The following CCDC149 variants were observed in gnomAD, a reference collection of about 807,000 sequenced individuals.
CCDC149 encodes coiled-coil domain-containing protein 149.
CCDC149 carries 45 observed loss-of-function variants against 59.9 expected under a neutral mutation model. The ratio of observed to expected loss-of-function variants is 0.75; its 90% CI spans 0.59 to 0.96. CCDC149 has a LOEUF of 0.96. Ranked by LOEUF, CCDC149 falls within the 40% of genes least tolerant of loss-of-function variation. The pLI, the probability that CCDC149 is intolerant of heterozygous loss-of-function variation, is 0.00. For synonymous variants in CCDC149, 245 were observed against 260.6 expected (o/e 0.94, Z 0.58); for missense variants, 584 against 664.7 (o/e 0.88, Z 1.33).
chr4:24,821,981 A>C (rs200516655), intron 10 of CCDC149, among the ~76,000 whole-genome samples: 1 of 152,176 alleles, frequency 6.6e-6, no homozygotes, highest in East Asian at 1.9e-4. Flanking sequence ...GGTTAGAACA[A>C]TTGTTGGTTT....
rs1714245501 is a variant in CCDC149, at chr4:24,807,183, T to C, written c.*1206A>G. Reference sequence around the variant, plus strand: ...CAGGCTTTCCAGGGAAGGAAAAAGCTATGGCTGGATGACTTTTAGTTTTCT... The same window carrying C: ...CAGGCTTTCCAGGGAAGGAAAAAGCCATGGCTGGATGACTTTTAGTTTTCT... On this transcript the variant is annotated 3_prime_UTR_variant, in exon 13 of 13. Coordinates refer to ENST00000635206, the MANE Select transcript of CCDC149 (RefSeq NM_001330643.2). 6.6e-6 allele frequency: 1 copy of C among 152,184 alleles called. No homozygotes were observed. Among genetic ancestry groups the C allele is most frequent in the African/African-American group, 2.4e-5 (1 of 41,430 alleles). The allele number at this position is 152,184 out of a possible 1,614,324, so 9.4% of individuals were successfully genotyped here.
chr4:24,808,482 G>T lies in CCDC149; in HGVS notation c.1530C>A (p.Phe510Leu). 1 of 1,482,602 alleles carries T rather than the reference G, an allele frequency of 6.7e-7. No homozygotes were observed. The highest frequency in any genetic ancestry group is 9.0e-7 in the Non-Finnish European group (1 of 1,116,832). 91.8% of individuals were successfully genotyped at this position (1,482,602 alleles called of 1,614,324 possible). The change falls in exon 13 of 13, where the codon TTC becomes TTA. Residue 510 changes from phenylalanine to leucine, a missense_variant. Phe to Leu is a conservative substitution (Grantham distance 22). Transcript: ENST00000635206. ...CTTTGGCTGCTGGCCGGCTGGCCTC[G>T]AAGGAGTCCAGGTGAGATTTAGGGA...
At chr4:24,856,084 C>A (rs1438489312) in intron 3 of CCDC149, among the ~76,000 whole-genome samples, 1 of 152,230 alleles carries the variant, frequency 6.6e-6, no homozygotes, top group Admixed American at 6.5e-5. Context: ...AGGTGGGTTA[C>A]CTCCCTCAAC....
At chr4:24,916,005 A>G (rs1017960392), upstream of CCDC149, among the ~76,000 whole-genome samples, 1 of 152,304 alleles carries the variant, frequency 6.6e-6, no homozygotes. Context: ...TACACCAACT[A>G]TCTTTATCCC....
intron 8 of CCDC149, among the ~76,000 whole-genome samples, chr4:24,831,910 A>T (rs1362019236): frequency 3.3e-5 from 5 of 152,230 alleles, no homozygotes; most frequent in Admixed American, 6.5e-5. Flanking sequence ...TATTTTAAAC[A>T]CTTTCATAAT....
chr4:24,813,490 A>ATATATCTATATC (rs1491293785), intron 12 of CCDC149, among the ~76,000 whole-genome samples: 11 of 1,930 alleles, frequency 5.7e-3, no homozygotes, highest in African/African-American at 6.4e-3. Flanking sequence ...AGCTTGGGGA[A>ATATATCTATATC]TATATATATA....
chr4:24,919,173 G>A (rs1394995625), intron 1 of CCDC149, among the ~76,000 whole-genome samples: 1 of 152,160 alleles, frequency 6.6e-6, no homozygotes, highest in African/African-American at 2.4e-5. Flanking sequence ...GCTTAGCAGG[G>A]TCTCCTTTAA....
At chr4:24,815,103 T>G (rs562693977) in intron 12 of CCDC149, among the ~76,000 whole-genome samples, 1 of 152,242 alleles carries the variant, frequency 6.6e-6, no homozygotes, top group East Asian at 1.9e-4. Flanking sequence ...TATTAAATGT[T>G]TGAATATATG....
At chr4:24,898,476 A>T (rs1202463517) in intron 1 of CCDC149, among the ~76,000 whole-genome samples, 1 of 152,172 alleles carries the variant, frequency 6.6e-6, no homozygotes, top group Non-Finnish European at 1.5e-5. Context: ...AGACACTCCC[A>T]GCTCTCTTAG....
At chr4:24,936,741 G>A (rs1234025442) in intron 1 of CCDC149, among the ~76,000 whole-genome samples, 1 of 152,200 alleles carries the variant, frequency 6.6e-6, no homozygotes, top group Non-Finnish European at 1.5e-5. Flanking sequence ...CTGGTGGAAT[G>A]GGAGTTTTAG....
At chr4:24,859,783 A>T (rs1259297814) in intron 3 of CCDC149, among the ~76,000 whole-genome samples, 1 of 152,258 alleles carries the variant, frequency 6.6e-6, no homozygotes, top group Non-Finnish European at 1.5e-5. Context: ...ACAAATCAGT[A>T]GCACTGCTAT....
chr4:24,962,826 A>G (rs1723677750), intron 1 of CCDC149, among the ~76,000 whole-genome samples: 1 of 152,162 alleles, frequency 6.6e-6, no homozygotes, highest in Non-Finnish European at 1.5e-5. Flanking sequence ...TGGCACATGT[A>G]TACATATGCA....
chr4:24,978,587 G>A (rs1362003313), intron 1 of CCDC149, among the ~76,000 whole-genome samples: 1 of 152,164 alleles, frequency 6.6e-6, no homozygotes, highest in East Asian at 1.9e-4. Flanking sequence ...GAAGAGACAA[G>A]GATGGGGGTA....
chr4:24,809,595 G>A (rs562515086), intron 12 of CCDC149, among the ~76,000 whole-genome samples: 1 of 148,962 alleles, frequency 6.7e-6, no homozygotes, highest in South Asian at 2.1e-4. Context: ...GGCGGAGCCA[G>A]CTCTTAGTAC....
intron 1 of CCDC149, among the ~76,000 whole-genome samples, chr4:24,976,397 T>A (rs1055359452): frequency 5.3e-5 from 8 of 152,128 alleles, no homozygotes; most frequent in Admixed American, 5.2e-4. Context: ...GGTATAGAGG[T>A]ATCACCAGGA....
At chr4:24,817,570 A>G (rs1004806737) in intron 12 of CCDC149, among the ~76,000 whole-genome samples, 2 of 151,878 alleles carry the variant, frequency 1.3e-5, no homozygotes, top group African/African-American at 4.8e-5. Flanking sequence ...TCTTCTTACC[A>G]CTCCATGCAC....
chr4:24,829,462 G>A lies in CCDC149; in HGVS notation c.965+2044C>T, dbSNP rs1715989802. 3 of 152,232 alleles carry A rather than the reference G, an allele frequency of 2.0e-5. No homozygotes were observed. The South Asian group carries it at 6.2e-4, about 32-fold the overall frequency. The allele number at this position is 152,232 out of a possible 1,614,324, so 9.4% of individuals were successfully genotyped here. ...GGAGTGGGTCTGGGGTGGGGGTCAG[G>A]GGAGAGGTGGGAAAAGGAAATGAGA... On this transcript the variant is annotated intron_variant, in intron 9 of 12. Coordinates refer to ENST00000635206, the MANE Select transcript of CCDC149 (RefSeq NM_001330643.2).
Position 24,958,225 on chromosome 4 carries a change from C to T in CCDC149, c.-65+21844G>A, listed in dbSNP as rs185403782. ...GAATACTTAGCCCTGCATATGGTAGCGTACCTTGAAGAGTCCAACTAGCCA... is the reference window on the plus strand; with the variant it reads ...GAATACTTAGCCCTGCATATGGTAGTGTACCTTGAAGAGTCCAACTAGCCA... On this transcript the variant is annotated intron_variant, in intron 1 of 12. Coordinates refer to the CCDC149 transcript ENST00000389609. 1.4e-4 allele frequency among the ~76,000 whole-genome samples: 22 copies of T among 152,292 alleles called. 1 individual carries two copies. The highest frequency in any genetic ancestry group is 1.3e-3 in the Admixed American group (20 of 15,296).
At chr4:24,890,662 G>A (rs756099898) in intron 1 of CCDC149, among the ~76,000 whole-genome samples, 9 of 152,328 alleles carry the variant, frequency 5.9e-5, no homozygotes, top group African/African-American at 1.7e-4. Flanking sequence ...TCCCATAAGA[G>A]GGCCAGTGTG....
Sources: allele counts gnomAD v4.1 joint callset (sites outside exome capture counted in the v4.1 genomes callset), GRCh38; gene constraint gnomAD v4.1.1; transcripts MANE v1.5; gene names NCBI Gene and HGNC (gene_info 2026-07-23, HGNC 2026-07-21).